The following NUP133 variants were observed in gnomAD, a reference collection of about 807,000 sequenced individuals.
The protein encoded by NUP133 is nuclear pore complex protein Nup133.
Under a neutral mutation model 146.2 loss-of-function variants are expected in NUP133, and 66 were observed. That is an observed-to-expected ratio of 0.45 (90% CI 0.37 to 0.55). The LOEUF (loss-of-function observed/expected upper bound fraction) is 0.55. NUP133 is among the 20% of genes least tolerant of loss of function. NUP133 has a pLI of 0.00. For missense variants in NUP133, 1,277 were observed against 1,374.8 expected, an observed-to-expected ratio of 0.93 and a Z score of 1.12; for synonymous variants, 521 against 498.8, an observed-to-expected ratio of 1.04 and a Z score of -0.59.
At chr1:229,496,181 T>C (rs1661651927) in intron 6 of NUP133, 134 bp from the exon 7 acceptor site, 1 of 733,402 alleles carries the variant, frequency 1.4e-6, no homozygotes, top group Non-Finnish European at 2.0e-6. Flanking sequence ...TTAAAGAAAG[T>C]AGTGATCCTG....
intron 2 of NUP133, among the ~76,000 whole-genome samples, chr1:229,503,313 TTTATAA>T (rs1254424413): frequency 6.6e-6 from 1 of 152,036 alleles, no homozygotes. Flanking sequence ...TTTAGCAACA[TTTATAA>T]TTATATCGAT....
chr1:229,454,303 C>T (rs3767326), intron 21 of NUP133, among the ~76,000 whole-genome samples: 31,340 of 151,952 alleles, frequency 0.21, 3,529 homozygotes, highest in African/African-American at 0.29. Context: ...GCTAGGCAGC[C>T]TCATAAACAC....
chr1:229,446,976 T>C (rs531487895), intron 24 of NUP133, among the ~76,000 whole-genome samples: 1 of 151,806 alleles, frequency 6.6e-6, no homozygotes, highest in African/African-American at 2.4e-5. Flanking sequence ...AATACAAAAT[T>C]AGCCAGGCGT....
intron 12 of NUP133, among the ~76,000 whole-genome samples, chr1:229,481,379 T>C (rs1459140014): frequency 1.3e-5 from 2 of 152,268 alleles, no homozygotes; most frequent in South Asian, 2.1e-4. Context: ...TGTTAAATTA[T>C]GATGAGTCTA....
At chr1:229,464,456 G>C (rs79532624) in intron 18 of NUP133, among the ~76,000 whole-genome samples, 168 bp downstream of exon 18, 3 of 152,274 alleles carry the variant, frequency 2.0e-5, no homozygotes, top group Admixed American at 6.5e-5. Context: ...TACCTAGATA[G>C]TACTGGAAAA....
At chr1:229,488,650 T>TA (rs1661421690) in intron 9 of NUP133, among the ~76,000 whole-genome samples, 1 of 149,952 alleles carries the variant, frequency 6.7e-6, no homozygotes, top group Non-Finnish European at 1.5e-5. Context: ...AGGATTCAAT[T>TA]AAACAAGTCA....
intron 11 of NUP133, among the ~76,000 whole-genome samples, chr1:229,485,022 A>C (rs959148268): frequency 1.3e-5 from 2 of 152,210 alleles, no homozygotes; most frequent in Non-Finnish European, 2.9e-5. Context: ...AAATTACCCC[A>C]AACAGTATTA....
At chr1:229,471,467 T>A (rs1660954522) in intron 14 of NUP133, among the ~76,000 whole-genome samples, 1 of 152,134 alleles carries the variant, frequency 6.6e-6, no homozygotes, top group African/African-American at 2.4e-5. Context: ...GGTTCCAGAC[T>A]TTCAGAAATC....
intron 2 of NUP133, among the ~76,000 whole-genome samples, chr1:229,503,926 G>A (rs1446165384): frequency 6.6e-6 from 1 of 152,044 alleles, no homozygotes; most frequent in East Asian, 1.9e-4. Flanking sequence ...ACATTAAAAG[G>A]TTTAAATGTA....
At chr1:229,473,548 G>GA (rs1348806630) in intron 14 of NUP133, among the ~76,000 whole-genome samples, 40 of 152,044 alleles carry the variant, frequency 2.6e-4, no homozygotes, top group Admixed American at 2.6e-3. Flanking sequence ...TTAGTGTGGC[G>GA]AATCAGGTCA....
chr1:229,470,287 CAA>C (rs33912287), intron 15 of NUP133, among the ~76,000 whole-genome samples: 12,425 of 110,166 alleles, frequency 0.11, 1,472 homozygotes, highest in African/African-American at 0.31. Flanking sequence ...GACTCCATCT[CAA>C]AAAAAAAAAA....
At chr1:229,452,817 G>A (rs574368417) in intron 21 of NUP133, among the ~76,000 whole-genome samples, 174 bp from the exon 22 acceptor site, 2 of 152,154 alleles carry the variant, frequency 1.3e-5, no homozygotes, top group East Asian at 3.9e-4. Flanking sequence ...TTGATTGCCG[G>A]TTATGTTTAC....
intron 12 of NUP133, 22 bp downstream of exon 12, chr1:229,484,032 T>C (rs781524883): frequency 1.3e-6 from 2 of 1,533,426 alleles, no homozygotes; most frequent in South Asian, 1.1e-5. Context: ...AAATAATCCA[T>C]AATTTAAAAA....
In NUP133 at chr1:229,463,646, G is replaced by A. The variant is rs908088535; in HGVS notation, c.2582C>T (p.Ser861Phe). 1.7e-5 allele frequency: 27 copies of A among 1,613,972 alleles called. No homozygotes were observed. The highest frequency in any genetic ancestry group is 6.7e-5 in the Admixed American group (4 of 59,996). ...AAAGTCACAGTATTTCTCTGCTAGA[G>A]AAGCAGCCCACAGGTACTGGCCTAG... ...LSLGQYLWAA[S>F]LAEKYCDFDI... The change falls in exon 19 of 26, where the codon TCT becomes TTT. Residue 861 changes from serine to phenylalanine, a missense_variant. Coordinates refer to ENST00000261396, the MANE Select transcript of NUP133 (RefSeq NM_018230.3).
At chr1:229,469,437 C>A (rs1660903143) in intron 15 of NUP133, among the ~76,000 whole-genome samples, 1 of 152,206 alleles carries the variant, frequency 6.6e-6, no homozygotes, top group African/African-American at 2.4e-5. Flanking sequence ...AAATCTGATT[C>A]TACAAGCAAG....
chr1:229,448,836 T>G (rs1447597368), intron 24 of NUP133: 2 of 409,356 alleles, frequency 4.9e-6, no homozygotes, highest in Non-Finnish European at 8.8e-6. Context: ...CCCCAATTTA[T>G]AGCTGGTCGG....
chr1:229,480,876 G>T (rs897445401), intron 12 of NUP133, among the ~76,000 whole-genome samples: 1 of 135,492 alleles, frequency 7.4e-6, no homozygotes, highest in South Asian at 2.3e-4. Flanking sequence ...TTTTTTTTAA[G>T]AAGAGACAAG....
chr1:229,488,027 G>A (rs940084833), intron 9 of NUP133, among the ~76,000 whole-genome samples: 1 of 151,732 alleles, frequency 6.6e-6, no homozygotes, highest in Non-Finnish European at 1.5e-5. Flanking sequence ...TGTATCTTTA[G>A]TAGAGATGGG....
intron 15 of NUP133, among the ~76,000 whole-genome samples, chr1:229,467,150 T>C (rs1292362175): frequency 1.3e-5 from 2 of 152,240 alleles, no homozygotes; most frequent in Non-Finnish European, 2.9e-5. Flanking sequence ...TGCTAATTTC[T>C]TTCTTTGAGG....
Sources: gnomAD v4.1 joint callset for allele counts (sites outside exome capture counted in the v4.1 genomes callset) on GRCh38, gnomAD v4.1.1 for gene constraint, MANE v1.5 for transcripts, NCBI Gene and HGNC (gene_info 2026-07-23, HGNC 2026-07-21) for gene names.